The following SNTG1 variants were observed in gnomAD, a reference collection of about 807,000 sequenced individuals.
SNTG1 encodes syntrophin gamma 1.
In SNTG1, 39 loss-of-function variants were observed where a neutral mutation model predicts 74.7. The ratio of observed to expected loss-of-function variants is 0.52; its 90% CI spans 0.40 to 0.68. The LOEUF (loss-of-function observed/expected upper bound fraction) is 0.68. SNTG1 is among the 30% of genes least tolerant of loss of function. SNTG1 has a pLI of 0.00. For synonymous variants in SNTG1, 254 were observed against 217.1 expected, an observed-to-expected ratio of 1.17 and a Z score of -1.49; for missense variants, 685 against 609.5, an observed-to-expected ratio of 1.12 and a Z score of -1.30.
chr8:50,597,314 T>C (rs1454238778), intron 13 of SNTG1, among the ~76,000 whole-genome samples: 1 of 149,992 alleles, frequency 6.7e-6, no homozygotes, highest in Admixed American at 6.7e-5. Flanking sequence ...TATACATATA[T>C]ACACGTATAT....
chr8:50,671,962 C>G lies in SNTG1; in HGVS notation c.1038+13299C>G, dbSNP rs373474005. 6.2e-5 allele frequency among the ~76,000 whole-genome samples: 9 copies of G among 144,250 alleles called. No homozygotes were observed. In the East Asian group the frequency reaches 1.7e-3, roughly 27 times the overall value. 94.6% of individuals were successfully genotyped at this position (144,250 alleles called of 152,430 possible). A position where few individuals can be genotyped will look rare whatever the true frequency, so the allele number is the denominator to read the frequency against. ...CGCAAGGACAAAAAACTAAACACCA[C>G]ATGTTCTCACTCACAGATGGGAATT... On this transcript the variant is annotated intron_variant, in intron 15 of 18. Transcript: ENST00000642720.
At chr8:50,789,176 T>C (rs2095684352) in intron 18 of SNTG1, among the ~76,000 whole-genome samples, 1 of 151,954 alleles carries the variant, frequency 6.6e-6, no homozygotes, top group Admixed American at 6.6e-5. Flanking sequence ...ATGAAGTTTT[T>C]GTTTCCACTT....
chr8:50,210,989 T>A (rs1433042600), intron 2 of SNTG1, among the ~76,000 whole-genome samples: 4 of 152,142 alleles, frequency 2.6e-5, no homozygotes, highest in Non-Finnish European at 5.9e-5. Context: ...TGAGTGTAAT[T>A]TATGCATTGG....
At chr8:49,920,139 T>C (rs552382095) in intron 1 of SNTG1, among the ~76,000 whole-genome samples, 2 of 152,238 alleles carry the variant, frequency 1.3e-5, no homozygotes, top group Non-Finnish European at 2.9e-5. Context: ...TATTGTGTTC[T>C]TTTCCAAGAA....
chr8:50,103,343 A>G (rs1195719936), intron 1 of SNTG1, among the ~76,000 whole-genome samples: 2 of 152,182 alleles, frequency 1.3e-5, no homozygotes, highest in African/African-American at 2.4e-5. Flanking sequence ...GAGTTCACTC[A>G]TGATTTGGCT....
Position 50,199,658 on chromosome 8 carries a change from C to T in SNTG1, c.-28+27023C>T, listed in dbSNP as rs151253150. ...GAGTACAGATTCTAGGAAATTATGA[C>T]GACGCTGAGTGCAGGTCGTCAGCTG... On this transcript the variant is annotated intron_variant, in intron 2 of 18. Transcript: ENST00000642720. 3.9e-5 allele frequency among the ~76,000 whole-genome samples: 6 copies of T among 152,228 alleles called. No homozygotes were observed. The East Asian group carries it at 7.7e-4, about 20-fold the overall frequency.
chr8:50,433,468 A>C (rs1158203616), intron 4 of SNTG1, among the ~76,000 whole-genome samples: 1 of 128,734 alleles, frequency 7.8e-6, no homozygotes, highest in African/African-American at 2.9e-5. Context: ...ACATTGCACC[A>C]TGAGTTTTCT....
chr8:50,083,797 G>T (rs1177058217), intron 1 of SNTG1, among the ~76,000 whole-genome samples: 1 of 152,082 alleles, frequency 6.6e-6, no homozygotes, highest in Non-Finnish European at 1.5e-5. Context: ...GATTATGTTT[G>T]CTTATACTTT....
intron 17 of SNTG1, among the ~76,000 whole-genome samples, chr8:50,722,579 C>T (rs961879526): frequency 1.3e-5 from 2 of 152,108 alleles, no homozygotes; most frequent in Admixed American, 6.5e-5. Flanking sequence ...TAGATAGTAG[C>T]TCATAGGCAA....
rs1000782265 is a variant in SNTG1 at position 50,110,936 on chromosome 8, G to A, written c.-102-61625G>A. The stretch of plus-strand genomic sequence containing the variant: ...AATAACAATTAACTTCTTTAATCTA[G>A]GTATGTCCTAAACAATTATTTGTTA... On this transcript the variant is annotated intron_variant, in intron 1 of 18. Transcript: ENST00000642720. Among the ~76,000 whole-genome samples the A allele has an allele frequency of 3.3e-5, 5 of 152,098 alleles. No individual in the cohort carries two copies. The South Asian group carries it at 6.2e-4, about 19-fold the overall frequency.
At position 50,199,959 on chromosome 8, in the gene SNTG1, G is replaced by A. The variant is rs140718772; in HGVS notation, c.-28+27324G>A. Among the ~76,000 whole-genome samples, 7 of 152,216 alleles carry A rather than the reference G, an allele frequency of 4.6e-5. No individual in the cohort carries two copies. The East Asian group carries it at 1.4e-3, about 29-fold the overall frequency. ...GCATTTGGGCGCTAATAGGATGATA[G>A]GCAAGGAGTGCAATTAGCTATTTGT... On this transcript the variant is annotated intron_variant, in intron 2 of 18. Coordinates refer to ENST00000642720, the MANE Select transcript of SNTG1 (RefSeq NM_018967.5).
intron 12 of SNTG1, among the ~76,000 whole-genome samples, chr8:50,569,495 CGTT>C (rs908050874): frequency 9.4e-5 from 14 of 149,560 alleles, no homozygotes; most frequent in African/African-American, 3.4e-4. Flanking sequence ...TCCATAAAAG[CGTT>C]GGTTTTGAAA....
At chr8:50,727,946 T>C (rs2131610996) in intron 17 of SNTG1, among the ~76,000 whole-genome samples, 1 of 152,292 alleles carries the variant, frequency 6.6e-6, no homozygotes, top group Non-Finnish European at 1.5e-5. Context: ...CTTAAACTGT[T>C]TACTGATCTC....
chr8:49,922,933 A>ATG (rs1806685939), intron 1 of SNTG1, among the ~76,000 whole-genome samples: 2 of 152,102 alleles, frequency 1.3e-5, no homozygotes, highest in Admixed American at 1.3e-4. Context: ...TTCTCCATAA[A>ATG]TGTACTGATA....
At chr8:50,453,657 A>T (rs957645182) in intron 8 of SNTG1, among the ~76,000 whole-genome samples, 1 of 152,262 alleles carries the variant, frequency 6.6e-6, no homozygotes, top group Non-Finnish European at 1.5e-5. Context: ...AATGAATGAG[A>T]GTACCATATG....
At chr8:50,481,584 C>G (rs2093741098) in intron 8 of SNTG1, among the ~76,000 whole-genome samples, 1 of 152,128 alleles carries the variant, frequency 6.6e-6, no homozygotes, top group Admixed American at 6.5e-5. Context: ...AAAAACTTAA[C>G]TGTTCTATGT....
chr8:50,501,758 A>G (rs924428201), intron 8 of SNTG1, among the ~76,000 whole-genome samples: 1 of 151,866 alleles, frequency 6.6e-6, no homozygotes, highest in Non-Finnish European at 1.5e-5. Context: ...ATGCCCAGCC[A>G]TCTGTGCCAT....
chr8:50,010,296 C>T (rs564714990), intron 1 of SNTG1, among the ~76,000 whole-genome samples: 1 of 152,246 alleles, frequency 6.6e-6, no homozygotes, highest in East Asian at 1.9e-4. Context: ...TCCAATGAGA[C>T]CTTTCCTTGT....
chr8:50,394,009 T>C (rs1462158721), intron 2 of SNTG1, among the ~76,000 whole-genome samples: 1 of 152,230 alleles, frequency 6.6e-6, no homozygotes, highest in African/African-American at 2.4e-5. Flanking sequence ...AGGATATTTA[T>C]ACTTCCTAAA....
Sources: allele counts gnomAD v4.1 joint callset (sites outside exome capture counted in the v4.1 genomes callset), GRCh38; gene constraint gnomAD v4.1.1; transcripts MANE v1.5; gene names NCBI Gene and HGNC (gene_info 2026-07-23, HGNC 2026-07-21).